Variants in TXNDC12 observed in about 807,000 individuals in gnomAD.
TXNDC12 encodes thioredoxin domain containing 12.
A neutral mutation model predicts 24.2 loss-of-function variants in TXNDC12; 22 were observed. The observed-to-expected ratio is 0.91, with a 90% CI of 0.65 to 1.30. The LOEUF is 1.30. Ranked by LOEUF, TXNDC12 falls within the 50% of genes most tolerant of loss-of-function variation. The pLI, the probability that TXNDC12 is intolerant of heterozygous loss-of-function variation, is 0.00. For missense variants in TXNDC12, 184 were observed against 205.8 expected (o/e 0.89, Z 0.65); for synonymous variants, 58 against 73.4 (o/e 0.79, Z 1.07).
chr1:52,052,933 G>C (rs1686244868), intron 1 of TXNDC12, among the ~76,000 whole-genome samples: 1 of 152,076 alleles, frequency 6.6e-6, no homozygotes, highest in African/African-American at 2.4e-5. Flanking sequence ...CAGCTAGTGA[G>C]TGGCAGAACA....
At chr1:52,052,582 C>T (rs959727745) in intron 1 of TXNDC12, 1 of 166,464 alleles carries the variant, frequency 6.0e-6, no homozygotes, top group African/African-American at 2.4e-5. Flanking sequence ...ACCAGCTTAG[C>T]CAAGGCCCCA....
intron 1 of TXNDC12, among the ~76,000 whole-genome samples, chr1:52,048,352 G>A (rs964827449): frequency 2.0e-5 from 3 of 151,994 alleles, no homozygotes; most frequent in African/African-American, 7.3e-5. Flanking sequence ...TATAGTCCCA[G>A]CTACTCAGGA....
intron 2 of TXNDC12, chr1:52,033,672 G>A (rs1685824729): frequency 6.2e-7 from 1 of 1,610,922 alleles, no homozygotes; most frequent in Non-Finnish European, 8.5e-7. Flanking sequence ...CGTACACCGC[G>A]CGGCCCTCGG....
At chr1:52,039,732 C>T (rs189805984) in intron 2 of TXNDC12, among the ~76,000 whole-genome samples, 121 of 152,276 alleles carry the variant, frequency 7.9e-4, no homozygotes, top group African/African-American at 2.7e-3. Context: ...ACTCACAATA[C>T]TTGAGTTCAC....
intron 2 of TXNDC12, chr1:52,032,684 CT>C (rs1557992590): frequency 1.9e-6 from 3 of 1,572,280 alleles, no homozygotes; most frequent in East Asian, 2.2e-5. Flanking sequence ...GGCTTCCCCC[CT>C]ACCTCCTCTG....
chr1:52,040,505 T>A (rs1000530171), intron 2 of TXNDC12, among the ~76,000 whole-genome samples: 1 of 152,208 alleles, frequency 6.6e-6, no homozygotes, highest in Non-Finnish European at 1.5e-5. Flanking sequence ...GAAGTTTTGA[T>A]AAATTTTAAC....
chr1:52,020,905 C>A lies in TXNDC12; in HGVS notation c.*28G>T, dbSNP rs376019657. The A allele has an allele frequency of 2.6e-4, 405 of 1,578,546 alleles. 4 individuals carry two copies. Among genetic ancestry groups the A allele is most frequent in the Admixed American group, 1.0e-3 (60 of 59,908 alleles). Reference sequence around the variant, plus strand: ...TGCTGCTTTCCTTCCAGAACACTAACTCTGATGAAAGAAGGGGCACATTCA... The same window carrying A: ...TGCTGCTTTCCTTCCAGAACACTAAATCTGATGAAAGAAGGGGCACATTCA... On this transcript the variant is annotated 3_prime_UTR_variant, in exon 7 of 7. Transcript: ENST00000371626.
intron 1 of TXNDC12, among the ~76,000 whole-genome samples, chr1:52,045,731 T>C (rs1165408936): frequency 1.3e-5 from 2 of 152,220 alleles, no homozygotes; most frequent in Non-Finnish European, 2.9e-5. Flanking sequence ...TGGTTAATAA[T>C]AATGTATCAA....
rs143286295 is a variant in TXNDC12 at position 52,048,818 on chromosome 1, C to G, written c.97+6182G>C. 4.8e-3 allele frequency among the ~76,000 whole-genome samples: 728 copies of G among 152,204 alleles called. 4 individuals carry two copies. Among genetic ancestry groups the G allele is most frequent in the Non-Finnish European group, 8.6e-3 (584 of 68,014 alleles). ...GTTGCAGTGAGCCAAGATGGGGCCA[C>G]TGCACTCCAGCCTGAGTGACAGAGT... On this transcript the variant is annotated intron_variant, in intron 1 of 6. Coordinates refer to ENST00000371626, the MANE Select transcript of TXNDC12 (RefSeq NM_015913.4).
chr1:52,035,208 G>A (rs995208100), intron 2 of TXNDC12, among the ~76,000 whole-genome samples: 2 of 152,162 alleles, frequency 1.3e-5, no homozygotes, highest in South Asian at 2.1e-4. Flanking sequence ...GTGCATGTGT[G>A]TATATTGTAG....
intron 1 of TXNDC12, among the ~76,000 whole-genome samples, chr1:52,050,393 T>C (rs1686178979): frequency 6.6e-6 from 1 of 152,184 alleles, no homozygotes; most frequent in Admixed American, 6.5e-5. Context: ...ATCTGCAAAG[T>C]AAAGTCTCCC....
chr1:52,028,639 C>T lies in TXNDC12; in HGVS notation c.159-9G>A. On this transcript the variant is annotated splice_polypyrimidine_tract_variant and intron_variant, in intron 2 of 6. Coordinates refer to ENST00000371626, the MANE Select transcript of TXNDC12 (RefSeq NM_015913.4). The stretch of plus-strand genomic sequence containing the variant: ...CCATCAGGGGCAGTCCACTTAAAAG[C>T]AAAACAAAGAAATTATAATCTAGTA... 1 of 1,603,114 alleles carries T rather than the reference C, an allele frequency of 6.2e-7. No homozygotes were observed. Among genetic ancestry groups the T allele is most frequent in the Non-Finnish European group, 8.5e-7 (1 of 1,174,256 alleles).
chr1:52,024,463 C>T (rs1168565151), intron 5 of TXNDC12, 47 bp downstream of exon 5: 3 of 1,439,286 alleles, frequency 2.1e-6, no homozygotes, highest in Admixed American at 1.7e-5. Flanking sequence ...ATTCATTTCT[C>T]TCTCCATCCA....
At chr1:52,038,903 GTTTT>G (rs71041880) in intron 2 of TXNDC12, among the ~76,000 whole-genome samples, 3 of 116,298 alleles carry the variant, frequency 2.6e-5, no homozygotes, top group Admixed American at 9.0e-5. Context: ...TTCTTTTTCT[GTTTT>G]TTTTTTTTTT....
Position 52,021,006 on chromosome 1 carries a change from TG to T in TXNDC12, c.445del (p.Gln149ArgfsTer3), listed in dbSNP as rs1201323269. 3.7e-6 allele frequency: 6 copies of T among 1,612,680 alleles called. No individual in the cohort carries two copies. The highest frequency in any genetic ancestry group is 5.1e-6 in the Non-Finnish European group (6 of 1,178,718). On this transcript the variant is annotated frameshift_variant, in exon 7 of 7. Coordinates refer to ENST00000371626, the MANE Select transcript of TXNDC12 (RefSeq NM_015913.4). LOFTEE classifies it high-confidence loss of function. ...YFYVSAEQVV[Q>X]GMKEAQERLT... Reference sequence around the variant, plus strand: ...CCTTTCCTGAGCTTCCTTCATCCCCTGAACAACTGTGAAATAAAGATTGGAG... The same window carrying T: ...CCTTTCCTGAGCTTCCTTCATCCCCTAACAACTGTGAAATAAAGATTGGAG...
chr1:52,054,212 C>G (rs901601591), intron 1 of TXNDC12, among the ~76,000 whole-genome samples: 31 of 138,532 alleles, frequency 2.2e-4, no homozygotes, highest in African/African-American at 7.7e-4. Context: ...ACAGTAAGGT[C>G]AGTGAAAAAA....
intron 1 of TXNDC12, among the ~76,000 whole-genome samples, chr1:52,053,738 C>G (rs1044251241): frequency 1.3e-5 from 2 of 152,182 alleles, no homozygotes; most frequent in African/African-American, 4.8e-5. Flanking sequence ...TTAAAACATT[C>G]TGGCCTAACA....
intron 1 of TXNDC12, among the ~76,000 whole-genome samples, chr1:52,050,089 G>A (rs1686171721): frequency 6.6e-6 from 1 of 152,172 alleles, no homozygotes; most frequent in African/African-American, 2.4e-5. Context: ...TGGGTTCCAG[G>A]GTCTGTAGTT....
In TXNDC12 at chr1:52,027,261, T is replaced by C; in HGVS notation, c.285+14A>G. On this transcript the variant is annotated intron_variant, in intron 4 of 6. Transcript: ENST00000371626. ...TAAAATCATAGCAGAAAGGAGAAAC[T>C]CTCAAAGTCTTACCTCAAGATTTAC... 6.3e-7 allele frequency: 1 copy of C among 1,585,482 alleles called. No individual in the cohort carries two copies. Among genetic ancestry groups the C allele is most frequent in the Non-Finnish European group, 8.6e-7 (1 of 1,156,438 alleles).
Sources: allele counts gnomAD v4.1 joint callset (sites outside exome capture counted in the v4.1 genomes callset), GRCh38; gene constraint gnomAD v4.1.1; transcripts MANE v1.5; gene names NCBI Gene and HGNC (gene_info 2026-07-23, HGNC 2026-07-21).